Variants in ZNF735 observed in about 807,000 individuals in gnomAD.
The protein encoded by ZNF735 is zinc finger protein 735.
ZNF735 carries 11 observed loss-of-function variants against 13.4 expected under a neutral mutation model. That is an observed-to-expected ratio of 0.82 (90% CI 0.52 to 1.36). The LOEUF (loss-of-function observed/expected upper bound fraction) is 1.36, where lower values mean the gene tolerates loss of function less well. Ranked by LOEUF, ZNF735 falls within the 40% of genes most tolerant of loss-of-function variation. ZNF735 has a pLI of 0.00. For missense variants in ZNF735, 500 were observed against 484.6 expected (o/e 1.03, Z -0.30); for synonymous variants, 171 against 162.6 (o/e 1.05, Z -0.39).
At chr7:64,209,699 T>C (rs1787334434) in intron 1 of ZNF735, among the ~76,000 whole-genome samples, 1 of 152,202 alleles carries the variant, frequency 6.6e-6, no homozygotes, top group African/African-American at 2.4e-5. Flanking sequence ...TCTTGACTTT[T>C]GCGAGTGTTG....
intron 1 of ZNF735, among the ~76,000 whole-genome samples, chr7:64,208,254 T>TTTG (rs1787315371): frequency 3.4e-5 from 2 of 58,888 alleles, no homozygotes; most frequent in Non-Finnish European, 3.5e-5. Flanking sequence ...GTTTTTTTTT[T>TTTG]TTTTTTTTTT....
At position 64,207,616 on chromosome 7, in the gene ZNF735, A is replaced by G. The variant is rs915864679; in HGVS notation, c.39+375A>G. 5.9e-5 allele frequency among the ~76,000 whole-genome samples: 9 copies of G among 152,230 alleles called. No individual in the cohort carries two copies. In the South Asian group the frequency reaches 6.2e-4, roughly 10 times the overall value. ...AAGAGCTGTGGTCCCTGGGGTCCCT[A>G]GTTCCTCATTTTTCCTTTTAGAGAT... On this transcript the variant is annotated intron_variant, in intron 1 of 3. Transcript: ENST00000429565.
At chr7:64,213,525 G>A (rs10280955) in intron 2 of ZNF735, among the ~76,000 whole-genome samples, 10,017 of 152,206 alleles carry the variant, frequency 0.066, 531 homozygotes, top group African/African-American at 0.14. Flanking sequence ...GTAGTACTGA[G>A]TAGTGAAAAT....
intron 1 of ZNF735, among the ~76,000 whole-genome samples, chr7:64,207,849 T>A (rs1372529876): frequency 2.0e-5 from 3 of 152,136 alleles, no homozygotes; most frequent in Admixed American, 2.0e-4. Context: ...TAGCTGGGTG[T>A]GGTGGCACGT....
intron 1 of ZNF735, among the ~76,000 whole-genome samples, chr7:64,208,244 GTTTTTTT>G (rs71060562): frequency 3.2e-5 from 3 of 93,078 alleles, no homozygotes; most frequent in Non-Finnish European, 6.3e-5. Flanking sequence ...TCCAATAAAT[GTTTTTTT>G]TTTTTTTTTT....
intron 1 of ZNF735, among the ~76,000 whole-genome samples, chr7:64,210,841 T>C (rs1423202623): frequency 2.6e-5 from 4 of 152,198 alleles, no homozygotes; most frequent in African/African-American, 9.7e-5. Context: ...GTGTGTGTGG[T>C]GGTAGCAGGT....
chr7:64,207,343 A>G, intron 1 of ZNF735, 102 bp downstream of exon 1: 1 of 1,608,388 alleles, frequency 6.2e-7, no homozygotes, highest in Non-Finnish European at 8.5e-7. Flanking sequence ...TCAGCTCCGG[A>G]GTCTGAGGAC....
chr7:64,214,733 T>C (rs879798803), intron 3 of ZNF735, among the ~76,000 whole-genome samples: 15 of 152,090 alleles, frequency 9.9e-5, no homozygotes, highest in Non-Finnish European at 1.8e-4. Context: ...ATATTTTAGA[T>C]ATAGATTCAT....
At chr7:64,210,359 T>G (rs1278967734) in intron 1 of ZNF735, among the ~76,000 whole-genome samples, 3 of 152,144 alleles carry the variant, frequency 2.0e-5, no homozygotes, top group Non-Finnish European at 1.5e-5. Context: ...TGTGACAAAT[T>G]TGGTGGGTGT....
chr7:64,213,128 T>C, exon 2 of ZNF735: 1 of 1,613,048 alleles, frequency 6.2e-7, no homozygotes, highest in Non-Finnish European at 8.5e-7. Context: ...TATAGAATTC[T>C]CTCTGGCGGA....
chr7:64,209,228 G>GTTTTTTT lies in ZNF735; in HGVS notation c.39+1993_39+1999dup, dbSNP rs377315967. On this transcript the variant is annotated intron_variant, in intron 1 of 3. Coordinates refer to ENST00000429565, the Ensembl canonical transcript of ZNF735. The stretch of plus-strand genomic sequence containing the variant: ...CCACAACCTCACAAGCATCTGTTCC[G>GTTTTTTT]TTTTTTTTTTTTGACTTTTTAGTCT... Among the ~76,000 whole-genome samples the GTTTTTTT allele has an allele frequency of 5.3e-3, 742 of 139,870 alleles. 5 individuals carry two copies. The highest frequency in any genetic ancestry group is 8.1e-3 in the Non-Finnish European group (523 of 64,536). The allele number at this position is 139,870 out of a possible 152,430, so 91.8% of individuals were successfully genotyped here. A position where few individuals can be genotyped will look rare whatever the true frequency, so the allele number is the denominator to read the frequency against.
exon 4 of ZNF735, chr7:64,219,619 T>A: frequency 6.3e-7 from 1 of 1,576,984 alleles, no homozygotes; most frequent in South Asian, 1.1e-5. Flanking sequence ...ATGTAAAAAA[T>A]ATGGCAAATC....
At chr7:64,217,120 C>T (rs750018023) in intron 3 of ZNF735, among the ~76,000 whole-genome samples, 32 of 152,254 alleles carry the variant, frequency 2.1e-4, no homozygotes, top group Admixed American at 3.9e-4. Context: ...GTTTGCATCA[C>T]GGAGACAAAT....
exon 4 of ZNF735, chr7:64,219,556 T>A (rs767504703): frequency 1.3e-6 from 2 of 1,588,140 alleles, no homozygotes; most frequent in Non-Finnish European, 1.7e-6. Context: ...CTTCAGTAAA[T>A]TTTCAAATTC....
chr7:64,217,028 G>A (rs553026569), intron 3 of ZNF735, among the ~76,000 whole-genome samples: 1 of 152,278 alleles, frequency 6.6e-6, no homozygotes, highest in South Asian at 2.1e-4. Flanking sequence ...AGCCTATTTG[G>A]TTTGTGATAT....
At chr7:64,218,455 T>C (rs1162004378) in intron 3 of ZNF735, among the ~76,000 whole-genome samples, 1 of 152,152 alleles carries the variant, frequency 6.6e-6, no homozygotes, top group Non-Finnish European at 1.5e-5. Context: ...ATTACTTTTT[T>C]CTTACCTTTA....
intron 3 of ZNF735, among the ~76,000 whole-genome samples, chr7:64,218,127 T>C (rs1283218241): frequency 6.6e-6 from 1 of 152,170 alleles, no homozygotes. Flanking sequence ...TTATATGCTT[T>C]TCCAGCATTT....
chr7:64,211,474 G>A (rs866009018), intron 1 of ZNF735, among the ~76,000 whole-genome samples: 4 of 151,980 alleles, frequency 2.6e-5, no homozygotes, highest in Admixed American at 6.6e-5. Flanking sequence ...TGCTCTCCAG[G>A]GTGCTAAACA....
intron 3 of ZNF735, 59 bp downstream of exon 3, chr7:64,214,167 A>C: frequency 6.5e-7 from 1 of 1,546,158 alleles, no homozygotes; most frequent in Non-Finnish European, 8.8e-7. Flanking sequence ...TCAAGGAGGT[A>C]GCCAGTCTTT....
Sources: allele counts gnomAD v4.1 joint callset (sites outside exome capture counted in the v4.1 genomes callset), GRCh38; gene constraint gnomAD v4.1.1; transcripts MANE v1.5; gene names NCBI Gene and HGNC (gene_info 2026-07-23, HGNC 2026-07-21).